NBEA: variants seen among roughly 807,000 people sequenced by gnomAD.
The protein encoded by NBEA is neurobeachin, also known as lysosomal-trafficking regulator 2.
Under a neutral mutation model 343.4 loss-of-function variants are expected in NBEA, and 44 were observed. That is an observed-to-expected ratio of 0.13 (90% CI 0.10 to 0.16). The LOEUF (loss-of-function observed/expected upper bound fraction) is 0.16. Among genes scored for constraint, NBEA ranks in the 10% least tolerant of loss-of-function variants. The pLI is 1.00. For missense variants in NBEA, 2,555 were observed against 3,631.3 expected, an observed-to-expected ratio of 0.70 and a Z score of 7.62; for synonymous variants, 1,175 against 1,238.7, an observed-to-expected ratio of 0.95 and a Z score of 1.08.
At chr13:34,988,256 G>A (rs1345954135) in intron 1 of NBEA, among the ~76,000 whole-genome samples, 1 of 151,082 alleles carries the variant, frequency 6.6e-6, no homozygotes, top group Non-Finnish European at 1.5e-5. Context: ...CTACACGGGG[G>A]TCAGGGAGGA....
intron 29 of NBEA, among the ~76,000 whole-genome samples, chr13:35,183,460 A>G (rs1330177617): frequency 6.6e-6 from 1 of 152,058 alleles, no homozygotes; most frequent in Non-Finnish European, 1.5e-5. Flanking sequence ...ATCCTATTTC[A>G]TATACCTTTT....
At chr13:35,317,260 C>T (rs754577761) in intron 36 of NBEA, among the ~76,000 whole-genome samples, 9 of 151,986 alleles carry the variant, frequency 5.9e-5, no homozygotes, top group African/African-American at 9.7e-5. Context: ...GTCTTTAATC[C>T]ATCTTGAGTT....
At chr13:35,048,922 C>CA (rs1448012584) in intron 5 of NBEA, among the ~76,000 whole-genome samples, 1 of 151,722 alleles carries the variant, frequency 6.6e-6, no homozygotes, top group Non-Finnish European at 1.5e-5. Context: ...GTTTAAAAGT[C>CA]AAAGGTACAG....
At chr13:35,054,261 G>A (rs564141710) in intron 6 of NBEA, among the ~76,000 whole-genome samples, 1 of 152,012 alleles carries the variant, frequency 6.6e-6, no homozygotes, top group Non-Finnish European at 1.5e-5. Context: ...TTCAAATTCA[G>A]TGAAGGTAAT....
chr13:35,039,995 A>T (rs2062590935), intron 1 of NBEA, among the ~76,000 whole-genome samples: 4 of 152,170 alleles, frequency 2.6e-5, no homozygotes, highest in Non-Finnish European at 5.9e-5. Context: ...GGACATTCAT[A>T]TATTCTAGTT....
chr13:35,409,425 G>A (rs1594524409), intron 38 of NBEA, among the ~76,000 whole-genome samples: 1 of 152,044 alleles, frequency 6.6e-6, no homozygotes, highest in East Asian at 1.9e-4. Flanking sequence ...GAAATAATCT[G>A]TACAACAAAC....
intron 41 of NBEA, among the ~76,000 whole-genome samples, chr13:35,506,410 G>A (rs1347711645): frequency 6.6e-6 from 1 of 152,102 alleles, no homozygotes; most frequent in Non-Finnish European, 1.5e-5. Context: ...ACTATTTACG[G>A]CAGTAGTTTA....
At chr13:35,034,559 TTCC>T (rs972017909) in intron 1 of NBEA, among the ~76,000 whole-genome samples, 1 of 151,754 alleles carries the variant, frequency 6.6e-6, no homozygotes, top group African/African-American at 2.4e-5. Context: ...GAAGTATTCC[TTCC>T]TCCTCCATTT....
intron 17 of NBEA, among the ~76,000 whole-genome samples, chr13:35,138,251 T>C (rs892954229): frequency 2.6e-5 from 4 of 152,210 alleles, no homozygotes; most frequent in African/African-American, 9.6e-5. Flanking sequence ...GAAATATAAA[T>C]GTACATATTT....
At chr13:35,418,815 A>G (rs2044105602) in intron 38 of NBEA, among the ~76,000 whole-genome samples, 1 of 151,912 alleles carries the variant, frequency 6.6e-6, no homozygotes, top group African/African-American at 2.4e-5. Flanking sequence ...TTATTTGTAT[A>G]CTCTATGTTT....
chr13:35,224,420 C>T (rs1258059789), intron 33 of NBEA, among the ~76,000 whole-genome samples: 2 of 152,078 alleles, frequency 1.3e-5, no homozygotes, highest in Non-Finnish European at 2.9e-5. Flanking sequence ...CTTTTGAATG[C>T]ACCAATGTGC....
intron 38 of NBEA, among the ~76,000 whole-genome samples, chr13:35,428,536 A>T (rs1162670853): frequency 3.3e-5 from 5 of 151,860 alleles, no homozygotes; most frequent in African/African-American, 1.2e-4. Flanking sequence ...TGGTTATTAT[A>T]TTTGTCAGTT....
rs139518156 is a variant in NBEA, at chr13:34,996,003, A to T, written c.295-44930A>T. On this transcript the variant is annotated intron_variant, in intron 1 of 58. Transcript: ENST00000379939. ...AGCATTTGTTAACTTGTAGCTGTTGAAGCTTGGAAAAGCAAGGATTCCACC... is the reference window on the plus strand; with the variant it reads ...AGCATTTGTTAACTTGTAGCTGTTGTAGCTTGGAAAAGCAAGGATTCCACC... Among the ~76,000 whole-genome samples, 5 of 152,346 alleles carry T rather than the reference A, an allele frequency of 3.3e-5. No individual in the cohort carries two copies. In the East Asian group the frequency reaches 7.7e-4, roughly 24 times the overall value.
Position 35,048,640 on chromosome 13 carries a change from A to C in NBEA, c.801A>C (p.Pro267=), listed in dbSNP as rs1418535999. 6.9e-7 allele frequency: 1 copy of C among 1,453,590 alleles called. No homozygotes were observed. Among genetic ancestry groups the C allele is most frequent in the East Asian group, 2.3e-5 (1 of 43,476 alleles). The allele number at this position is 1,453,590 out of a possible 1,614,324, so 90.0% of individuals were successfully genotyped here. Residue 267 remains proline, a synonymous_variant, in exon 5 of 59, where the codon CCA becomes CCC. Coordinates refer to ENST00000379939, the MANE Select transcript of NBEA (RefSeq NM_001385012.1). ...TAAACACTTGGTTTCGTATGGATCC[A>C]TTAAATAATATTAATGTTGATAAGG... The part of the protein sequence containing the change: ...FTLNTWFRMD[P]LNNINVDKDK...
intron 23 of NBEA, 92 bp downstream of exon 23, chr13:35,162,059 C>A: frequency 1.9e-6 from 2 of 1,062,688 alleles, no homozygotes; most frequent in Non-Finnish European, 2.7e-6. Flanking sequence ...AAAAATCTGC[C>A]TTGATTAAAG....
chr13:35,644,203 T>G lies in NBEA; in HGVS notation c.7618-1666T>G, dbSNP rs528444993. Reference sequence around the variant, plus strand: ...GGAGTCAGTATAGTCTCAAAAGAAATAAACGTTCAGTGTCGAGAACTGACT... The same window carrying G: ...GGAGTCAGTATAGTCTCAAAAGAAAGAAACGTTCAGTGTCGAGAACTGACT... On this transcript the variant is annotated intron_variant, in intron 49 of 58. Coordinates refer to ENST00000379939, the MANE Select transcript of NBEA (RefSeq NM_001385012.1). Among the ~76,000 whole-genome samples the G allele has an allele frequency of 8.2e-4, 125 of 152,250 alleles. No homozygotes were observed. The South Asian group carries it at 0.016, about 20-fold the overall frequency.
intron 45 of NBEA, among the ~76,000 whole-genome samples, chr13:35,579,024 C>T (rs1311140599): frequency 6.6e-6 from 1 of 151,672 alleles, no homozygotes; most frequent in Non-Finnish European, 1.5e-5. Context: ...TGTTGGCATG[C>T]AAAAGGTTTT....
intron 11 of NBEA, among the ~76,000 whole-genome samples, chr13:35,098,993 GT>G (rs2065480136): frequency 6.7e-6 from 1 of 148,716 alleles, no homozygotes; most frequent in African/African-American, 2.5e-5. Flanking sequence ...AGGGAGTACT[GT>G]AGTTGTTTCT....
chr13:35,249,508 T>C (rs1176750183), intron 34 of NBEA, among the ~76,000 whole-genome samples: 1 of 151,432 alleles, frequency 6.6e-6, no homozygotes, highest in Non-Finnish European at 1.5e-5. Context: ...AGAAACCTTA[T>C]ACCCATTAAG....
Sources: gnomAD v4.1 joint callset for allele counts (sites outside exome capture counted in the v4.1 genomes callset) on GRCh38, gnomAD v4.1.1 for gene constraint, MANE v1.5 for transcripts, NCBI Gene and HGNC (gene_info 2026-07-23, HGNC 2026-07-21) for gene names.